Variants in FKBP5 observed in about 807,000 individuals in gnomAD.
FKBP5 encodes the protein peptidyl-prolyl cis-trans isomerase FKBP5.
In FKBP5, 23 loss-of-function variants were observed where a neutral mutation model predicts 50.5. The ratio of observed to expected loss-of-function variants is 0.46; its 90% CI spans 0.33 to 0.65. The LOEUF (loss-of-function observed/expected upper bound fraction) is 0.65, where lower values mean the gene tolerates loss of function less well. Among genes scored for constraint, FKBP5 ranks in the 30% least tolerant of loss-of-function variants. The pLI is 0.02. For missense variants in FKBP5, 411 were observed against 553.1 expected, an observed-to-expected ratio of 0.74 and a Z score of 2.58; for synonymous variants, 176 against 190.6, an observed-to-expected ratio of 0.92 and a Z score of 0.63.
rs1765054821 is a variant in FKBP5, at chr6:35,660,534, C to T, written c.-19-17691G>A. Among the ~76,000 whole-genome samples, 2 of 82,750 alleles carry T rather than the reference C, an allele frequency of 2.4e-5. 1 individual carries two copies. Among genetic ancestry groups the T allele is most frequent in the African/African-American group, 7.5e-5 (2 of 26,688 alleles). 54.3% of individuals were successfully genotyped at this position (82,750 alleles called of 152,430 possible). A position where few individuals can be genotyped will look rare whatever the true frequency, so the allele number is the denominator to read the frequency against. ...CCTCCCGCCTCGGCCTCCCAAAGTGCTGGGATTACAGGCATGAGCTACCGC... is the reference window on the plus strand; with the variant it reads ...CCTCCCGCCTCGGCCTCCCAAAGTGTTGGGATTACAGGCATGAGCTACCGC... On this transcript the variant is annotated intron_variant, in intron 1 of 10. Transcript: ENST00000357266.
chr6:35,667,722 A>G (rs1369657343), intron 1 of FKBP5, among the ~76,000 whole-genome samples: 2 of 152,204 alleles, frequency 1.3e-5, no homozygotes, highest in African/African-American at 4.8e-5. Context: ...CTCTATTAAA[A>G]ATACAAAAAT....
rs373663880 is a variant in FKBP5 at position 35,596,125 on chromosome 6, C to T, written c.665+1123G>A. Among the ~76,000 whole-genome samples the T allele has an allele frequency of 2.6e-5, 4 of 152,114 alleles. No homozygotes were observed. In the East Asian group the frequency reaches 7.8e-4, roughly 30 times the overall value. ...ATCCCAGCACTTTGGGAGGCTGAGG[C>T]GGGAGGATCACTTGAAGTCAGGCGT... On this transcript the variant is annotated intron_variant, in intron 6 of 10. Transcript: ENST00000357266.
At chr6:35,705,211 CAAAT>C (rs1766271908) in intron 2 of FKBP5, among the ~76,000 whole-genome samples, 1 of 80,070 alleles carries the variant, frequency 1.2e-5, no homozygotes, top group East Asian at 3.3e-4. Flanking sequence ...TATATATGTA[CAAAT>C]ATATATATAT....
At chr6:35,623,387 A>G (rs531109398) in intron 3 of FKBP5, among the ~76,000 whole-genome samples, 32 of 152,236 alleles carry the variant, frequency 2.1e-4, no homozygotes, top group Admixed American at 2.1e-3. Flanking sequence ...TAATGGGTGT[A>G]TAATACTACA....
In FKBP5 at chr6:35,667,993, T is replaced by A. The variant is rs182028478; in HGVS notation, c.-20+20811A>T. Among the ~76,000 whole-genome samples, 71 of 152,180 alleles carry A rather than the reference T, an allele frequency of 4.7e-4. 1 individual carries two copies. Among genetic ancestry groups the A allele is most frequent in the African/African-American group, 1.6e-3 (68 of 41,518 alleles). On this transcript the variant is annotated intron_variant, in intron 1 of 10. Transcript: ENST00000357266. ...GAAAAAAAGTAACCTAAATGTTAAA[T>A]GAAGTTTAAGGGAAATTAGCTAAGA...
intron 10 of FKBP5, among the ~76,000 whole-genome samples, chr6:35,576,374 T>C (rs1762215254): frequency 6.6e-6 from 1 of 152,028 alleles, no homozygotes; most frequent in Admixed American, 6.6e-5. Context: ...TTACAATTTT[T>C]CAAAAATGAC....
intron 3 of FKBP5, 135 bp downstream of exon 3, chr6:35,636,879 G>A: frequency 1.5e-6 from 1 of 682,716 alleles, no homozygotes; most frequent in East Asian, 3.3e-5. Flanking sequence ...GAGCCCTAGG[G>A]ATTCTCAGAC....
chr6:35,672,089 C>T (rs1765403164), intron 1 of FKBP5, among the ~76,000 whole-genome samples: 1 of 152,116 alleles, frequency 6.6e-6, no homozygotes, highest in Non-Finnish European at 1.5e-5. Context: ...AGGATGGTCT[C>T]GATCTCCTGA....
intron 2 of FKBP5, among the ~76,000 whole-genome samples, chr6:35,704,582 T>A (rs1561903219): frequency 8.6e-6 from 1 of 116,770 alleles, no homozygotes; most frequent in Admixed American, 9.2e-5. Flanking sequence ...GCCCGATAGC[T>A]TGTCAACATG....
intron 1 of FKBP5, among the ~76,000 whole-genome samples, chr6:35,670,494 G>A (rs915886726): frequency 6.6e-6 from 1 of 152,172 alleles, no homozygotes; most frequent in East Asian, 1.9e-4. Flanking sequence ...AACACTTTGG[G>A]AGGCTGAGGC....
intron 8 of FKBP5, chr6:35,586,723 C>CAACT: frequency 8.4e-7 from 1 of 1,192,466 alleles, no homozygotes; most frequent in Non-Finnish European, 1.0e-6. Flanking sequence ...TGTTGAGTGC[C>CAACT]AACTATGTAC....
rs549899828 is a variant in FKBP5, at chr6:35,727,258, G to T, written c.-241+1250C>A. ...GGTAAACGTGCGATATAAATGCTTT[G>T]TTCCCTCCTTGGTTTGGAGAGGGTG... On this transcript the variant is annotated intron_variant, in intron 1 of 11. Coordinates refer to the FKBP5 transcript ENST00000536438. 4.6e-5 allele frequency among the ~76,000 whole-genome samples: 7 copies of T among 152,350 alleles called. No homozygotes were observed. The East Asian group carries it at 1.3e-3, about 29-fold the overall frequency.
intron 1 of FKBP5, among the ~76,000 whole-genome samples, chr6:35,726,104 C>T (rs1012331040): frequency 6.6e-6 from 1 of 152,188 alleles, no homozygotes; most frequent in Non-Finnish European, 1.5e-5. Context: ...CCCGGAAAGG[C>T]GGCAAGCATC....
In FKBP5 at chr6:35,706,815, T is replaced by A. The variant is rs532537659; in HGVS notation, c.-20+13513A>T. On this transcript the variant is annotated intron_variant, in intron 2 of 11. Transcript: ENST00000536438. ...CAGCAAGAAACTAAAGACAATTTGA[T>A]CATCAGTAGCAGGGGATTGTTTTAT... 5.3e-5 allele frequency among the ~76,000 whole-genome samples: 8 copies of A among 152,318 alleles called. No homozygotes were observed. The East Asian group carries it at 1.5e-3, about 29-fold the overall frequency.
At chr6:35,674,693 C>T (rs561011598) in intron 1 of FKBP5, among the ~76,000 whole-genome samples, 21 of 152,258 alleles carry the variant, frequency 1.4e-4, no homozygotes, top group Middle Eastern at 3.4e-3. Flanking sequence ...CAATCCTAGG[C>T]GAGAGATCAC....
At chr6:35,602,388 T>G (rs999603524) in intron 5 of FKBP5, among the ~76,000 whole-genome samples, 22 of 152,116 alleles carry the variant, frequency 1.4e-4, no homozygotes, top group Admixed American at 1.4e-3. Flanking sequence ...GCACTCATTC[T>G]CAAAACAATT....
At chr6:35,641,448 A>G (rs527548192) in intron 2 of FKBP5, among the ~76,000 whole-genome samples, 71 of 152,298 alleles carry the variant, frequency 4.7e-4, no homozygotes, top group Non-Finnish European at 8.4e-4. Flanking sequence ...CACCCACATC[A>G]CCACAAACAC....
At chr6:35,712,141 A>T (rs1164466268) in intron 2 of FKBP5, among the ~76,000 whole-genome samples, 1 of 151,672 alleles carries the variant, frequency 6.6e-6, no homozygotes, top group Non-Finnish European at 1.5e-5. Flanking sequence ...CAGCCTCCCA[A>T]AGTGCTGGGA....
chr6:35,610,423 C>A (rs1186047393), intron 5 of FKBP5, among the ~76,000 whole-genome samples: 1 of 151,722 alleles, frequency 6.6e-6, no homozygotes, highest in Non-Finnish European at 1.5e-5. Context: ...AAAAAATCAG[C>A]TGGGCGTGGT....
Sources: allele counts gnomAD v4.1 joint callset (sites outside exome capture counted in the v4.1 genomes callset), GRCh38; gene constraint gnomAD v4.1.1; transcripts MANE v1.5; gene names NCBI Gene and HGNC (gene_info 2026-07-23, HGNC 2026-07-21).